The following USP25 variants were observed in gnomAD, a reference collection of about 807,000 sequenced individuals.
The protein encoded by USP25 is ubiquitin carboxyl-terminal hydrolase 25.
In USP25, 85 loss-of-function variants were observed where a neutral mutation model predicts 158.5. The observed-to-expected ratio is 0.54, with a 90% CI of 0.45 to 0.64. USP25 has a LOEUF of 0.64. USP25 is among the 30% of genes least tolerant of loss of function. The pLI is 0.00. For synonymous variants in USP25, 464 were observed against 460.4 expected, an observed-to-expected ratio of 1.01 and a Z score of -0.10; for missense variants, 1,242 against 1,327.3, an observed-to-expected ratio of 0.94 and a Z score of 1.00.
At chr21:15,733,655 A>G (rs112878593) in intron 1 of USP25, among the ~76,000 whole-genome samples, 1,901 of 152,246 alleles carry the variant, frequency 0.012, 35 homozygotes, top group African/African-American at 0.041. Context: ...CCTGACCAAC[A>G]TGGTGAAACC....
chr21:15,810,698 A>G (rs2036614575), intron 8 of USP25, among the ~76,000 whole-genome samples: 1 of 152,152 alleles, frequency 6.6e-6, no homozygotes, highest in Non-Finnish European at 1.5e-5. Context: ...GGACTCTTCC[A>G]TGTAAATACA....
At position 15,799,829 on chromosome 21, in the gene USP25, C is replaced by A. The variant is rs199506117; in HGVS notation, c.628C>A (p.Pro210Thr). ...YKPPSNAQDLPRNQKEHRNLP... is the reference protein window; with the variant it reads ...YKPPSNAQDLTRNQKEHRNLP... ...GCCTCCATCAAATGCTCAAGATTTA[C>A]CCCGAAACCAAAAGGTAAAATTCAA... is the stretch of plus-strand genomic sequence containing the variant. The change falls in exon 6 of 26, where the codon CCC (proline) becomes ACC (threonine). Residue 210 changes from proline (P) to threonine (T), a missense_variant. Physicochemically the swap from Pro to Thr is conservative, Grantham distance 38. Transcript: ENST00000400183. 80 of 1,602,620 alleles carry A rather than the reference C, an allele frequency of 5.0e-5. No individual in the cohort carries two copies. The highest frequency in any genetic ancestry group is 6.6e-5 in the Non-Finnish European group (78 of 1,173,428).
At chr21:15,761,711 C>T (rs950242074) in intron 1 of USP25, among the ~76,000 whole-genome samples, 4 of 152,200 alleles carry the variant, frequency 2.6e-5, no homozygotes, top group African/African-American at 9.6e-5. Flanking sequence ...AGAAGAAATG[C>T]AAACCCTGGA....
intron 1 of USP25, among the ~76,000 whole-genome samples, chr21:15,739,544 G>A (rs920392626): frequency 6.6e-6 from 1 of 151,224 alleles, no homozygotes; most frequent in African/African-American, 2.4e-5. Context: ...CTTTTTTTTT[G>A]TATTAGTGGC....
chr21:15,864,316 A>T lies in USP25; in HGVS notation c.2596A>T (p.Thr866Ser), dbSNP rs200781236. The T allele has an allele frequency of 1.0e-4, 163 of 1,612,086 alleles. 1 individual carries two copies. The East Asian group carries it at 1.5e-3, about 14-fold the overall frequency. The change falls in exon 21 of 26, where the codon ACC becomes TCC. Residue 866 changes from threonine to serine, a missense_variant. Around this residue, in one of 3 missense-constraint regions of USP25, gnomAD observed 608 missense variants for 605.2 expected, o/e 1.00. Transcript: ENST00000400183. ...GTTGGTTAAGTTGGCCCAAGAAGAC[A>T]CCCCACCAGAAACCGATTATCGTTT... Reference protein sequence around the residue: ...ARLVKLAQEDTPPETDYRLHH... With the variant: ...ARLVKLAQEDSPPETDYRLHH...
At chr21:15,813,352 G>A (rs1334098139) in intron 9 of USP25, among the ~76,000 whole-genome samples, 1 of 152,104 alleles carries the variant, frequency 6.6e-6, no homozygotes, top group Non-Finnish European at 1.5e-5. Context: ...CTTAATCACA[G>A]GTTTTGCCCA....
At chr21:15,869,932 C>A in intron 22 of USP25, 136 bp from the exon 23 acceptor site, 1 of 532,630 alleles carries the variant, frequency 1.9e-6, no homozygotes, top group Non-Finnish European at 3.2e-6. Flanking sequence ...TGTTTTAGTT[C>A]TGATGTATCT....
At chr21:15,767,233 A>G (rs1033390475) in intron 3 of USP25, among the ~76,000 whole-genome samples, 2 of 151,984 alleles carry the variant, frequency 1.3e-5, no homozygotes, top group South Asian at 4.1e-4. Flanking sequence ...TGAAGTTCTC[A>G]TGTACTCAGT....
intron 3 of USP25, among the ~76,000 whole-genome samples, chr21:15,767,201 A>G (rs1228301678): frequency 6.6e-6 from 1 of 152,060 alleles, no homozygotes; most frequent in East Asian, 1.9e-4. Context: ...GTCATTCAAC[A>G]CTGTGATAAT....
intron 18 of USP25, 151 bp downstream of exon 18, chr21:15,842,691 T>C: frequency 1.1e-6 from 1 of 879,172 alleles, no homozygotes; most frequent in Non-Finnish European, 1.7e-6. Flanking sequence ...GCAAGTCATC[T>C]CATGCCCAGG....
intron 2 of USP25, 87 bp downstream of exon 2, chr21:15,763,055 G>A: frequency 8.3e-7 from 1 of 1,208,096 alleles, no homozygotes; most frequent in Non-Finnish European, 1.1e-6. Context: ...TTTTTTTTGG[G>A]GTATACCATG....
At chr21:15,831,362 A>T in intron 15 of USP25, 39 bp from the exon 16 acceptor site, 1 of 1,556,750 alleles carries the variant, frequency 6.4e-7, no homozygotes, top group Non-Finnish European at 8.9e-7. Flanking sequence ...ATAGTAAACT[A>T]CATAATTGCA....
intron 2 of USP25, among the ~76,000 whole-genome samples, chr21:15,765,385 C>G (rs1160887586): frequency 6.6e-6 from 1 of 152,058 alleles, no homozygotes; most frequent in African/African-American, 2.4e-5. Flanking sequence ...TTCAGCTATA[C>G]TTTTGATGAG....
At chr21:15,750,342 C>G (rs2032910885) in intron 1 of USP25, among the ~76,000 whole-genome samples, 1 of 149,106 alleles carries the variant, frequency 6.7e-6, no homozygotes, top group Non-Finnish European at 1.5e-5. Flanking sequence ...AGCAATTCTT[C>G]TGTCAGCCTC....
chr21:15,761,303 C>G (rs1374338983), intron 1 of USP25, among the ~76,000 whole-genome samples: 2 of 152,164 alleles, frequency 1.3e-5, no homozygotes, highest in Non-Finnish European at 2.9e-5. Context: ...CAGACATGAG[C>G]AGGGCAGAAG....
In USP25 at chr21:15,831,451, T is replaced by G. The variant is rs2037798209; in HGVS notation, c.1815T>G (p.Ala605=). The change falls in exon 16 of 26, where the codon GCT becomes GCG. Residue 605 remains alanine, a synonymous_variant. Transcript: ENST00000400183. ...TAGTTCACGAAGGCCAAGCTAATGC[T>G]GGGCACTACTGGGCATATATTTTTG... is the stretch of plus-strand genomic sequence containing the variant. ...AVLVHEGQAN[A]GHYWAYIFDH... 6.2e-7 allele frequency: 1 copy of G among 1,613,998 alleles called. No homozygotes were observed. Among genetic ancestry groups the G allele is most frequent in the South Asian group, 1.1e-5 (1 of 91,084 alleles).
At chr21:15,796,060 C>T (rs3787577) in intron 5 of USP25, among the ~76,000 whole-genome samples, 11,479 of 151,486 alleles carry the variant, frequency 0.076, 502 homozygotes, top group East Asian at 0.092. Context: ...ACTTCATTTT[C>T]GTAAGTGCTT....
At chr21:15,738,615 A>T (rs2031743873) in intron 1 of USP25, among the ~76,000 whole-genome samples, 1 of 152,152 alleles carries the variant, frequency 6.6e-6, no homozygotes, top group South Asian at 2.1e-4. Context: ...ACCTTGCTAA[A>T]TGTTTCTAAT....
chr21:15,836,501 C>T (rs1245379825), intron 17 of USP25, among the ~76,000 whole-genome samples: 3 of 151,654 alleles, frequency 2.0e-5, no homozygotes, highest in African/African-American at 7.3e-5. Context: ...CCATTCTTTG[C>T]TGTCAGTGTG....
Sources: allele counts gnomAD v4.1 joint callset (sites outside exome capture counted in the v4.1 genomes callset), GRCh38; gene constraint gnomAD v4.1.1; regional missense constraint gnomAD v4.1.1; transcripts MANE v1.5; gene names NCBI Gene and HGNC (gene_info 2026-07-23, HGNC 2026-07-21).